SEMA3C: variants seen among roughly 807,000 people sequenced by gnomAD.
The protein encoded by SEMA3C is semaphorin-3C.
SEMA3C carries 47 observed loss-of-function variants against 89.4 expected under a neutral mutation model. The observed-to-expected ratio is 0.53, with a 90% CI of 0.42 to 0.67. The LOEUF (loss-of-function observed/expected upper bound fraction) is 0.67. SEMA3C is among the 30% of genes least tolerant of loss of function. SEMA3C has a pLI of 0.00. For missense variants in SEMA3C, 839 were observed against 929.1 expected (o/e 0.90, Z 1.26); for synonymous variants, 310 against 320.2 (o/e 0.97, Z 0.34).
chr7:80,781,163 CAT>C (rs1277807555), intron 12 of SEMA3C, among the ~76,000 whole-genome samples: 1 of 152,182 alleles, frequency 6.6e-6, no homozygotes, highest in Non-Finnish European at 1.5e-5. Context: ...TTTAAGAACT[CAT>C]GTGATTAGAC....
chr7:80,894,496 T>A (rs1791688510), intron 2 of SEMA3C, among the ~76,000 whole-genome samples: 1 of 152,198 alleles, frequency 6.6e-6, no homozygotes, highest in South Asian at 2.1e-4. Context: ...AAAATTTTTT[T>A]AATCACACAT....
intron 12 of SEMA3C, among the ~76,000 whole-genome samples, chr7:80,774,354 A>G (rs1161679176): frequency 6.6e-6 from 1 of 152,206 alleles, no homozygotes; most frequent in Non-Finnish European, 1.5e-5. Context: ...CAAGAAGAAC[A>G]AAGTTGAGAT....
In SEMA3C at chr7:80,818,585, GGAA is replaced by G. The variant is rs112477767; in HGVS notation, c.328-170_328-168del. Among the ~76,000 whole-genome samples the G allele has an allele frequency of 8.8e-3, 1,342 of 152,096 alleles. 47 individuals carry two copies. In the East Asian group the frequency reaches 0.11, roughly 12 times the overall value. On this transcript the variant is annotated intron_variant, in intron 4 of 17. Transcript: ENST00000265361. ...TCTTTTGGCTTCCCTAGGCCACACT[GGAA>G]GAAGAATTGTCTTGGGCCACACATA...
intron 10 of SEMA3C, among the ~76,000 whole-genome samples, chr7:80,799,861 A>T (rs1214027397): frequency 1.3e-5 from 2 of 150,416 alleles, no homozygotes; most frequent in Non-Finnish European, 3.0e-5. Context: ...CTTAAAAAAA[A>T]AAAAAAATGG....
At chr7:80,776,936 AAATGC>A in intron 12 of SEMA3C, among the ~76,000 whole-genome samples, 1 of 152,152 alleles carries the variant, frequency 6.6e-6, no homozygotes, top group African/African-American at 2.4e-5. Context: ...AATACTTATT[AAATGC>A]ATAGCTATAT....
chr7:80,762,368 T>A (rs1026798941), intron 13 of SEMA3C, among the ~76,000 whole-genome samples: 4 of 152,194 alleles, frequency 2.6e-5, no homozygotes, highest in Admixed American at 1.3e-4. Context: ...TAGTTAATAC[T>A]CATTGTTGCA....
chr7:80,819,039 G>T (rs1046238736), intron 4 of SEMA3C, among the ~76,000 whole-genome samples: 2 of 152,148 alleles, frequency 1.3e-5, no homozygotes, highest in African/African-American at 4.8e-5. Context: ...GAATGCAATT[G>T]AACAGAGTTG....
chr7:80,916,126 AAAAGCATAT>A (rs1792267402), intron 2 of SEMA3C, among the ~76,000 whole-genome samples: 1 of 152,258 alleles, frequency 6.6e-6, no homozygotes, highest in Non-Finnish European at 1.5e-5. Context: ...AACAACCATC[AAAAGCATAT>A]TTCCAATTAT....
At chr7:80,833,012 C>A (rs936870381) in intron 2 of SEMA3C, among the ~76,000 whole-genome samples, 2 of 152,024 alleles carry the variant, frequency 1.3e-5, no homozygotes, top group Non-Finnish European at 2.9e-5. Flanking sequence ...TTTTCCCTTT[C>A]TTTTTCTAAT....
At chr7:80,825,412 C>T (rs1008046040) in intron 4 of SEMA3C, among the ~76,000 whole-genome samples, 10 of 152,188 alleles carry the variant, frequency 6.6e-5, no homozygotes, top group African/African-American at 2.4e-4. Flanking sequence ...TATAACTGGC[C>T]ATATAGTAGA....
chr7:80,808,222 A>C (rs533035652), intron 6 of SEMA3C, among the ~76,000 whole-genome samples: 1 of 152,304 alleles, frequency 6.6e-6, no homozygotes, highest in South Asian at 2.1e-4. Flanking sequence ...AAGAATATTC[A>C]ATGAGATAAA....
intron 2 of SEMA3C, among the ~76,000 whole-genome samples, chr7:80,904,261 G>A (rs577072627): frequency 1.6e-4 from 24 of 152,174 alleles, no homozygotes; most frequent in Admixed American, 1.2e-3. Flanking sequence ...GGTTGGTCTC[G>A]AACTCCTGGC....
chr7:80,777,748 A>C (rs1382712571), intron 12 of SEMA3C, among the ~76,000 whole-genome samples: 1 of 152,240 alleles, frequency 6.6e-6, no homozygotes, highest in African/African-American at 2.4e-5. Flanking sequence ...GGCTGTAGAA[A>C]GTTTCAGAGT....
chr7:80,805,772 A>C lies in SEMA3C; in HGVS notation c.539-14T>G. Reference sequence around the variant, plus strand: ...AAAGCTCCTCATCTATGAAAAAGAAAATATCAATGAAATGTAAATTTTTAA... The same window carrying C: ...AAAGCTCCTCATCTATGAAAAAGAACATATCAATGAAATGTAAATTTTTAA... On this transcript the variant is annotated splice_polypyrimidine_tract_variant and intron_variant, in intron 6 of 17. Coordinates refer to ENST00000265361, the MANE Select transcript of SEMA3C (RefSeq NM_006379.5). 1 of 1,561,764 alleles carries C rather than the reference A, an allele frequency of 6.4e-7. No homozygotes were observed. The highest frequency in any genetic ancestry group is 8.7e-7 in the Non-Finnish European group (1 of 1,147,224).
At chr7:80,770,003 G>A (rs774284234) in intron 12 of SEMA3C, among the ~76,000 whole-genome samples, 33 of 151,828 alleles carry the variant, frequency 2.2e-4, no homozygotes, top group African/African-American at 3.1e-4. Context: ...TTCCCTGTAT[G>A]AGGAATACTT....
At chr7:80,920,682 A>T (rs1484387417), upstream of SEMA3C, among the ~76,000 whole-genome samples, 2 of 152,246 alleles carry the variant, frequency 1.3e-5, no homozygotes, top group African/African-American at 4.8e-5. Flanking sequence ...TAATATAGTA[A>T]CAACAGTTAA....
At chr7:80,745,383 A>G (rs761497048) in intron 17 of SEMA3C, 76 bp from the exon 18 acceptor site, 12 of 1,370,484 alleles carry the variant, frequency 8.8e-6, no homozygotes, top group Non-Finnish European at 1.2e-5. Flanking sequence ...TACACAGAAT[A>G]GTCTCAACTT....
chr7:80,798,925 T>C (rs1583887904), intron 10 of SEMA3C, among the ~76,000 whole-genome samples: 1 of 152,298 alleles, frequency 6.6e-6, no homozygotes, highest in Admixed American at 6.5e-5. Flanking sequence ...AAATTAGACG[T>C]CTAATGAAAA....
intron 1 of SEMA3C, among the ~76,000 whole-genome samples, chr7:80,918,038 A>C (rs1168549451): frequency 6.6e-6 from 1 of 152,182 alleles, no homozygotes; most frequent in Non-Finnish European, 1.5e-5. Context: ...CAGATGGAGG[A>C]AACTCTAGAG....
Sources: gnomAD v4.1 joint callset for allele counts (sites outside exome capture counted in the v4.1 genomes callset) on GRCh38, gnomAD v4.1.1 for gene constraint, MANE v1.5 for transcripts, NCBI Gene and HGNC (gene_info 2026-07-23, HGNC 2026-07-21) for gene names.